AP3B1: variants seen among roughly 807,000 people sequenced by gnomAD.
AP3B1 encodes AP-3 complex subunit beta-1.
In AP3B1, 61 loss-of-function variants were observed where a neutral mutation model predicts 132.5. That is an observed-to-expected ratio of 0.46 (90% confidence interval 0.37 to 0.57). AP3B1 has a LOEUF of 0.57. Among genes scored for constraint, AP3B1 ranks in the 20% least tolerant of loss-of-function variants. AP3B1 has a pLI of 0.00. For missense variants in AP3B1, 1,120 were observed against 1,289.4 expected (o/e 0.87, Z 2.01); for synonymous variants, 388 against 438.3 (o/e 0.89, Z 1.43).
chr5:78,092,660 T>C (rs374223568), intron 21 of AP3B1, among the ~76,000 whole-genome samples: 1 of 152,182 alleles, frequency 6.6e-6, no homozygotes, highest in South Asian at 2.1e-4. Flanking sequence ...CAATTTTATT[T>C]ACTTATTTTT....
At chr5:78,017,475 A>G (rs542495917) in intron 25 of AP3B1, among the ~76,000 whole-genome samples, 3 of 152,190 alleles carry the variant, frequency 2.0e-5, no homozygotes, top group Admixed American at 2.0e-4. Context: ...AAGAACCTGG[A>G]AAGAAAAAAA....
intron 7 of AP3B1, among the ~76,000 whole-genome samples, chr5:78,193,739 T>TC: frequency 3.0e-5 from 1 of 33,414 alleles, no homozygotes; most frequent in South Asian, 6.7e-4. Flanking sequence ...TTTGTATATA[T>TC]TTTTTTATAT....
chr5:78,247,280 T>G (rs1228038948), intron 2 of AP3B1, among the ~76,000 whole-genome samples: 2 of 148,408 alleles, frequency 1.3e-5, no homozygotes, highest in Non-Finnish European at 3.0e-5. Flanking sequence ...TTATAATATA[T>G]AGATAATATA....
chr5:78,091,277 C>CAAAAAAAAAAA (rs748473899), intron 21 of AP3B1, among the ~76,000 whole-genome samples: 2 of 79,510 alleles, frequency 2.5e-5, no homozygotes, highest in African/African-American at 1.0e-4. Context: ...ATGTATTTGA[C>CAAAAAAAAAAA]AAAAAAAAAA....
intron 1 of AP3B1, among the ~76,000 whole-genome samples, chr5:78,291,528 T>C (rs1435720627): frequency 6.8e-6 from 1 of 147,530 alleles, no homozygotes; most frequent in Admixed American, 6.9e-5. Context: ...CCAAATGTAA[T>C]AGTTCAAGAA....
chr5:78,176,611 G>C (rs2112403799), intron 9 of AP3B1, among the ~76,000 whole-genome samples: 1 of 152,278 alleles, frequency 6.6e-6, no homozygotes, highest in South Asian at 2.1e-4. Context: ...ATGTCAAATA[G>C]CTGAAATGAA....
chr5:78,204,701 G>A lies in AP3B1; in HGVS notation c.786+11354C>T, dbSNP rs541791146. Among the ~76,000 whole-genome samples, 5 of 152,298 alleles carry A rather than the reference G, an allele frequency of 3.3e-5. No homozygotes were observed. The South Asian group carries it at 1.0e-3, about 32-fold the overall frequency. ...ATAAAGGCATGTCCCTTGCATTAGG[G>A]ATCCTCCAGGCAGGTCAAAACAAAT... is the stretch of plus-strand genomic sequence containing the variant. On this transcript the variant is annotated intron_variant, in intron 7 of 26. Transcript: ENST00000255194.
chr5:78,163,603 A>G (rs191753809), intron 12 of AP3B1, among the ~76,000 whole-genome samples: 2,399 of 133,214 alleles, frequency 0.018, 77 homozygotes, highest in African/African-American at 0.061. Context: ...ATATATATAT[A>G]TGTGTGTGTG....
intron 17 of AP3B1, among the ~76,000 whole-genome samples, chr5:78,122,321 A>C (rs1361879833): frequency 6.6e-6 from 1 of 152,208 alleles, no homozygotes; most frequent in East Asian, 1.9e-4. Context: ...ACTCCTATTC[A>C]ACATAGGGTT....
intron 21 of AP3B1, among the ~76,000 whole-genome samples, chr5:78,096,666 C>T (rs13153595): frequency 5.3e-5 from 8 of 151,764 alleles, no homozygotes; most frequent in Non-Finnish European, 1.0e-4. Context: ...GGCCGCGACT[C>T]CGTCTGGGAG....
Position 78,134,582 on chromosome 5 carries a change from C to A in AP3B1, c.1651-5275G>T, listed in dbSNP as rs558674740. The stretch of plus-strand genomic sequence containing the variant: ...TGAGATGGAGTTTCGCTCTGGTTGC[C>A]CAGGCTGGAGTGCAATGGCGCGATC... On this transcript the variant is annotated intron_variant, in intron 15 of 26. Transcript: ENST00000255194. Among the ~76,000 whole-genome samples, 6 of 152,180 alleles carry A rather than the reference C, an allele frequency of 3.9e-5. No individual in the cohort carries two copies. In the East Asian group the frequency reaches 1.2e-3, roughly 29 times the overall value.
At chr5:78,227,315 C>A in intron 5 of AP3B1, 57 bp downstream of exon 5, 1 of 1,555,612 alleles carries the variant, frequency 6.4e-7, no homozygotes, top group Non-Finnish European at 8.9e-7. Flanking sequence ...CCTCTGTGGT[C>A]TATAACATTC....
In AP3B1 at chr5:78,110,684, CTGTGTGTG is replaced by C. The variant is rs144921350; in HGVS notation, c.2250-338_2250-331del. Among the ~76,000 whole-genome samples the C allele has an allele frequency of 5.9e-4, 84 of 143,560 alleles. 1 individual carries two copies. In the East Asian group the frequency reaches 0.012, roughly 21 times the overall value. 94.2% of individuals were successfully genotyped at this position (143,560 alleles called of 152,430 possible). A position where few individuals can be genotyped will look rare whatever the true frequency, so the allele number is the denominator to read the frequency against. On this transcript the variant is annotated intron_variant, in intron 19 of 26. Coordinates refer to ENST00000255194, the MANE Select transcript of AP3B1 (RefSeq NM_003664.5). ...AAAACGCTATCTCAAAATACTGTGCCTGTGTGTGTGTGTGTGTGTGTGTGTGTGTGTAT... is the reference window on the plus strand; with the variant it reads ...AAAACGCTATCTCAAAATACTGTGCCTGTGTGTGTGTGTGTGTGTGTGTAT...
At chr5:78,264,083 T>C (rs930052186) in intron 2 of AP3B1, among the ~76,000 whole-genome samples, 6 of 152,126 alleles carry the variant, frequency 3.9e-5, no homozygotes, top group African/African-American at 1.4e-4. Flanking sequence ...GTAAGTACTC[T>C]ATGAGGTTCA....
At chr5:78,292,780 C>T (rs1749585120) in intron 1 of AP3B1, among the ~76,000 whole-genome samples, 1 of 151,668 alleles carries the variant, frequency 6.6e-6, no homozygotes, top group African/African-American at 2.4e-5. Flanking sequence ...TAAATCCAAC[C>T]TGTTAGGTCA....
chr5:78,269,080 G>A (rs1487675956), intron 1 of AP3B1, among the ~76,000 whole-genome samples: 3 of 151,956 alleles, frequency 2.0e-5, no homozygotes, highest in South Asian at 2.1e-4. Flanking sequence ...TCTTCATTAC[G>A]TAGATTCAAA....
chr5:78,134,716 T>G (rs978516754), intron 15 of AP3B1, among the ~76,000 whole-genome samples: 2 of 152,156 alleles, frequency 1.3e-5, no homozygotes, highest in Non-Finnish European at 2.9e-5. Flanking sequence ...AATTTTTTTG[T>G]ATTTTTAGTA....
chr5:78,126,296 C>T (rs528161941), intron 17 of AP3B1, among the ~76,000 whole-genome samples: 4 of 151,628 alleles, frequency 2.6e-5, no homozygotes, highest in East Asian at 3.9e-4. Flanking sequence ...CTTGAGGTCA[C>T]GAGTTTGAGA....
At chr5:78,015,314 G>T (rs1261365437) in intron 26 of AP3B1, 96 bp downstream of exon 26, 1 of 1,252,374 alleles carries the variant, frequency 8.0e-7, no homozygotes, top group South Asian at 1.3e-5. Context: ...ATATGTTTAG[G>T]GGTTATTATT....
Sources: allele counts gnomAD v4.1 joint callset (sites outside exome capture counted in the v4.1 genomes callset), GRCh38; gene constraint gnomAD v4.1.1; transcripts MANE v1.5; gene names NCBI Gene and HGNC (gene_info 2026-07-23, HGNC 2026-07-21).